Variants in FANCB observed in about 807,000 individuals in gnomAD.
The protein encoded by FANCB is Fanconi anemia group B protein.
Under a neutral mutation model 38.9 loss-of-function variants are expected in FANCB, and 5 were observed. That is an observed-to-expected ratio of 0.13 (90% CI 0.07 to 0.27). FANCB has a LOEUF of 0.27. Among genes scored for constraint, FANCB ranks in the 10% least tolerant of loss-of-function variants. The probability of loss-of-function intolerance (pLI) is 1.00; values close to 1 mark genes in which losing one functional copy is unlikely to be tolerated. For missense variants in FANCB, 573 were observed against 602.7 expected (o/e 0.95, Z 0.52); for synonymous variants, 236 against 215.4 (o/e 1.10, Z -0.84).
At chrX:14,791,853 T>C in the FANCB span, among the ~76,000 whole-genome samples, 1 of 112,264 alleles carries the variant, frequency 8.9e-6, no homozygotes, top group Non-Finnish European at 1.9e-5. Context: ...CAGTTGTTAA[T>C]ATACCTTTTC....
chrX:14,802,536 A>G, the FANCB span, among the ~76,000 whole-genome samples: 1 of 111,919 alleles, frequency 8.9e-6, no homozygotes, highest in Non-Finnish European at 1.9e-5. Context: ...AGGACAGCTG[A>G]GTCAATTGCT....
chrX:14,699,294 A>G, the FANCB span, among the ~76,000 whole-genome samples: 1 of 112,097 alleles, frequency 8.9e-6, no homozygotes, highest in African/African-American at 3.2e-5. Context: ...TACTTCTGGC[A>G]TTGTACCTAA....
At chrX:14,733,910 A>G in the FANCB span, among the ~76,000 whole-genome samples, 1 of 112,199 alleles carries the variant, frequency 8.9e-6, no homozygotes, top group East Asian at 2.8e-4. Flanking sequence ...TATGTTGAAT[A>G]GGACCCATGG....
At chrX:14,837,654 A>G (rs1207500387) in intron 10 of FANCB, among the ~76,000 whole-genome samples, 1 of 112,490 alleles carries the variant, frequency 8.9e-6, no homozygotes, top group Non-Finnish European at 1.9e-5. Flanking sequence ...AGAATTGTGT[A>G]TTATGTGCAA....
At chrX:14,799,934 T>C in the FANCB span, among the ~76,000 whole-genome samples, 13 of 112,011 alleles carry the variant, frequency 1.2e-4, no homozygotes, top group African/African-American at 3.9e-4. Context: ...GTATGGTAAG[T>C]GTTGTCTAGT....
the FANCB span, among the ~76,000 whole-genome samples, chrX:14,798,772 A>G: frequency 3.1e-3 from 352 of 112,155 alleles, 1 homozygote; most frequent in African/African-American, 0.01. Context: ...GCTAGGCTAT[A>G]GTAACCAGTT....
chrX:14,749,867 G>A, the FANCB span, among the ~76,000 whole-genome samples: 2 of 112,192 alleles, frequency 1.8e-5, no homozygotes, highest in Non-Finnish European at 3.8e-5. Flanking sequence ...AAGCTTCTGT[G>A]AAGGTTGAAG....
At chrX:14,851,158 G>A (rs762815724) in intron 6 of FANCB, among the ~76,000 whole-genome samples, 5 of 111,741 alleles carry the variant, frequency 4.5e-5, no homozygotes, top group Non-Finnish European at 7.5e-5. Context: ...ACACACATGT[G>A]GATATATAAC....
chrX:14,790,579 C>A, the FANCB span, among the ~76,000 whole-genome samples: 3 of 112,030 alleles, frequency 2.7e-5, no homozygotes, highest in Admixed American at 9.5e-5. Flanking sequence ...AATATACTTT[C>A]TCATATTTCA....
chrX:14,795,562 C>T, the FANCB span, among the ~76,000 whole-genome samples: 1 of 111,748 alleles, frequency 8.9e-6, no homozygotes, highest in African/African-American at 3.3e-5. Context: ...GGGGACATGA[C>T]TCTTCAAATG....
the FANCB span, among the ~76,000 whole-genome samples, chrX:14,800,595 G>C: frequency 8.9e-6 from 1 of 111,791 alleles, no homozygotes; most frequent in Non-Finnish European, 1.9e-5. Context: ...GCAACCCTAG[G>C]AAACTAATAC....
the FANCB span, among the ~76,000 whole-genome samples, chrX:14,793,666 A>C: frequency 8.9e-6 from 1 of 112,524 alleles, no homozygotes; most frequent in African/African-American, 3.2e-5. Flanking sequence ...ACTAAACAGA[A>C]ATCAAATACT....
chrX:14,868,931 T>C lies in FANCB; in HGVS notation c.-79A>G, dbSNP rs180836371. On this transcript the variant is annotated 5_prime_UTR_variant, in exon 2 of 10. Transcript: ENST00000650831. ...AGAAGTCATTGGCTTACTGGTTTGT[T>C]GTTAGGCAATTAACAGAAAGATCTG... The C allele has an allele frequency of 8.9e-6, 1 of 112,049 alleles. No individual in the cohort carries two copies. Among genetic ancestry groups the C allele is most frequent in the Non-Finnish European group, 1.9e-5 (1 of 53,101 alleles). The allele number at this position is 112,049 out of a possible 1,213,427, so 9.2% of individuals were successfully genotyped here. A position where few individuals can be genotyped will look rare whatever the true frequency, so the allele number is the denominator to read the frequency against.
At chrX:14,734,308 C>T in the FANCB span, among the ~76,000 whole-genome samples, 2 of 112,052 alleles carry the variant, frequency 1.8e-5, no homozygotes, top group Non-Finnish European at 3.8e-5. Context: ...TCAGAAGCCA[C>T]CAATTAACTT....
the FANCB span, among the ~76,000 whole-genome samples, chrX:14,815,741 A>G: frequency 8.9e-6 from 1 of 112,556 alleles, no homozygotes; most frequent in African/African-American, 3.2e-5. Flanking sequence ...ACTGTTCACC[A>G]TAGCAAAGAT....
At chrX:14,690,828 G>A in the FANCB span, 51 of 1,206,140 alleles carry the variant, frequency 4.2e-5, no homozygotes, top group Admixed American at 7.7e-4. Context: ...GAGTTCCTGC[G>A]CCTCCGAAGA....
At chrX:14,765,863 A>C in the FANCB span, among the ~76,000 whole-genome samples, 35 of 112,188 alleles carry the variant, frequency 3.1e-4, no homozygotes, top group African/African-American at 1.1e-3. Flanking sequence ...TTTAAAAATG[A>C]TTTACACATT....
the FANCB span, among the ~76,000 whole-genome samples, chrX:14,820,232 T>G: frequency 9.0e-6 from 1 of 111,106 alleles, no homozygotes; most frequent in South Asian, 3.7e-4. Flanking sequence ...TTCTTTCTCC[T>G]TCCCCTTCTC....
chrX:14,758,338 C>T, the FANCB span, among the ~76,000 whole-genome samples: 2 of 111,971 alleles, frequency 1.8e-5, no homozygotes, highest in African/African-American at 6.5e-5. Flanking sequence ...AGGGCTCCAC[C>T]CACCGTCTCA....
Sources: gnomAD v4.1 joint callset for allele counts (sites outside exome capture counted in the v4.1 genomes callset) on GRCh38, gnomAD v4.1.1 for gene constraint, MANE v1.5 for transcripts, NCBI Gene and HGNC (gene_info 2026-07-23, HGNC 2026-07-21) for gene names.